The following CEMIP2 variants were observed in gnomAD, a reference collection of about 807,000 sequenced individuals.
CEMIP2 encodes the protein cell surface hyaluronidase CEMIP2.
CEMIP2 carries 79 observed loss-of-function variants against 146.9 expected under a neutral mutation model. The observed-to-expected ratio is 0.54, with a 90% CI of 0.45 to 0.65. The LOEUF (loss-of-function observed/expected upper bound fraction) is 0.65, where lower values mean the gene tolerates loss of function less well. Ranked by LOEUF, CEMIP2 falls within the 30% of genes least tolerant of loss-of-function variation. CEMIP2 has a pLI of 0.00. For missense variants in CEMIP2, 1,596 were observed against 1,696.2 expected (o/e 0.94, Z 1.04); for synonymous variants, 601 against 606.3 (o/e 0.99, Z 0.13).
At chr9:71,691,272 A>G (rs1411814990) in intron 21 of CEMIP2, among the ~76,000 whole-genome samples, 2 of 151,206 alleles carry the variant, frequency 1.3e-5, no homozygotes, top group Non-Finnish European at 2.9e-5. Flanking sequence ...ACTTAGAGAT[A>G]CACCGGGCGT....
intron 14 of CEMIP2, among the ~76,000 whole-genome samples, chr9:71,715,638 AT>A (rs1225264639): frequency 1.4e-5 from 2 of 143,796 alleles, no homozygotes; most frequent in Non-Finnish European, 3.1e-5. Context: ...ATATATATAT[AT>A]ATATATATAC....
chr9:71,730,460 T>C lies in CEMIP2; in HGVS notation c.1774-207A>G, dbSNP rs149544232. Among the ~76,000 whole-genome samples the C allele has an allele frequency of 7.8e-4, 118 of 152,012 alleles. 1 individual carries two copies. Among genetic ancestry groups the C allele is most frequent in the Non-Finnish European group, 1.2e-3 (79 of 67,980 alleles). ...CACAGGGGAAAAAAATAAAAATAAG[T>C]TGTAAATAAATAAATAAAAATAAAA... On this transcript the variant is annotated intron_variant, in intron 8 of 23. Coordinates refer to ENST00000377044, the MANE Select transcript of CEMIP2 (RefSeq NM_013390.3).
chr9:71,741,628 CTGGTTTTTTTTTTTT>C (rs1564020255), intron 4 of CEMIP2, among the ~76,000 whole-genome samples: 6 of 110,016 alleles, frequency 5.5e-5, no homozygotes, highest in Non-Finnish European at 1.2e-4. Flanking sequence ...TTTTTCTTTT[CTGGTTTTTTTTTTTT>C]TTTTTTTTTT....
At position 71,750,403 on chromosome 9, in the gene CEMIP2, A is replaced by T. The variant is rs1334706982; in HGVS notation, c.-12-18T>A. 3 of 1,515,050 alleles carry T rather than the reference A, an allele frequency of 2.0e-6. No homozygotes were observed. Among genetic ancestry groups the T allele is most frequent in the Non-Finnish European group, 1.8e-6 (2 of 1,126,958 alleles). 93.9% of individuals were successfully genotyped at this position (1,515,050 alleles called of 1,614,324 possible). A position where few individuals can be genotyped will look rare whatever the true frequency, so the allele number is the denominator to read the frequency against. On this transcript the variant is annotated intron_variant, in intron 1 of 23. Transcript: ENST00000377044. ...CACTGTTACTGTGAAAAGAAAAAAA[A>T]ATTAAGCTTCAGTATGTGTAAATTC...
rs34322815 is a variant in CEMIP2, at chr9:71,715,237, C to CTT, written c.2436-150_2436-149dup. 1,149 of 232,334 alleles carry CTT rather than the reference C, an allele frequency of 4.9e-3. 4 individuals carry two copies. Among genetic ancestry groups the CTT allele is most frequent in the South Asian group, 0.01 (271 of 26,018 alleles). The allele number at this position is 232,334 out of a possible 1,614,324, so 14.4% of individuals were successfully genotyped here. ...CACATTCACAAGTCTTCAGAAACTG[C>CTT]TTTTTTTTTTTTTTTTTTTTTTTGA... is the stretch of plus-strand genomic sequence containing the variant. On this transcript the variant is annotated intron_variant, in intron 14 of 23. Transcript: ENST00000377044.
At chr9:71,689,998 GA>G in intron 22 of CEMIP2, 93 bp downstream of exon 22, 1 of 1,470,898 alleles carries the variant, frequency 6.8e-7, no homozygotes, top group African/African-American at 1.4e-5. Context: ...AATGTCCAGA[GA>G]GTAAAAAATC....
Position 71,740,216 on chromosome 9 carries a change from C to T in CEMIP2, c.1051G>A (p.Val351Ile), listed in dbSNP as rs1300149727. The T allele has an allele frequency of 7.4e-6, 12 of 1,613,518 alleles. No homozygotes were observed. The highest frequency in any genetic ancestry group is 1.3e-5 in the African/African-American group (1 of 74,930). Residue 351 changes from valine to isoleucine, a missense_variant, in exon 5 of 24, where the codon GTT becomes ATT. Val to Ile is a conservative substitution (Grantham distance 29). Transcript: ENST00000377044. ...GLGYRQAWALVGVIDGGSTSC... is the reference protein window; with the variant it reads ...GLGYRQAWALIGVIDGGSTSC... ...GTGCTTCCACCATCAATGACACCAA[C>T]TAAAGCCCAAGCTTGCCTAGAAGGA... is the stretch of plus-strand genomic sequence containing the variant.
At chr9:71,719,131 G>A (rs1159847118) in intron 12 of CEMIP2, among the ~76,000 whole-genome samples, 6 of 151,394 alleles carry the variant, frequency 4.0e-5, no homozygotes, top group Admixed American at 6.6e-5. Context: ...CTTACAAAAC[G>A]AACGGAAGAA....
intron 17 of CEMIP2, chr9:71,705,046 T>A (rs1822694698): frequency 2.1e-6 from 1 of 473,190 alleles, no homozygotes; most frequent in Non-Finnish European, 3.8e-6. Context: ...CTTCCACCAC[T>A]ACAGGCCAGC....
intron 2 of CEMIP2, 109 bp from the exon 3 acceptor site, chr9:71,746,450 A>G (rs1824091674): frequency 7.5e-7 from 1 of 1,330,616 alleles, no homozygotes; most frequent in African/African-American, 1.5e-5. Context: ...GTGCTAACAT[A>G]TGTTGATTTC....
intron 22 of CEMIP2, among the ~76,000 whole-genome samples, chr9:71,688,139 G>T (rs1003863123): frequency 6.6e-6 from 1 of 152,168 alleles, no homozygotes; most frequent in South Asian, 2.1e-4. Context: ...TTATAGGCAT[G>T]AGCCACTGTG....
At chr9:71,708,769 T>C (rs913079539) in intron 17 of CEMIP2, among the ~76,000 whole-genome samples, 8 of 152,218 alleles carry the variant, frequency 5.3e-5, no homozygotes, top group Non-Finnish European at 7.3e-5. Flanking sequence ...TCCTTTCTTG[T>C]CCACTCACTC....
intron 14 of CEMIP2, 98 bp from the exon 15 acceptor site, chr9:71,715,187 AAAG>A: frequency 1.5e-6 from 2 of 1,365,776 alleles, no homozygotes; most frequent in South Asian, 2.9e-5. Context: ...AAAAGTTTTA[AAAG>A]AAGTCAATAG....
intron 7 of CEMIP2, among the ~76,000 whole-genome samples, chr9:71,731,728 T>A (rs1331167502): frequency 1.3e-5 from 1 of 75,436 alleles, no homozygotes; most frequent in Admixed American, 1.3e-4. Flanking sequence ...TGAGACTGTA[T>A]CTCAAAAAAA....
intron 1 of CEMIP2, among the ~76,000 whole-genome samples, chr9:71,751,128 G>T (rs1552708): frequency 0.87 from 132,627 of 152,204 alleles, 57,947 homozygotes; most frequent in Non-Finnish European, 0.9. Flanking sequence ...TTTTAACTAT[G>T]TTAAGCGTAC....
chr9:71,758,934 C>G (rs1049860267), intron 1 of CEMIP2, among the ~76,000 whole-genome samples: 1 of 152,182 alleles, frequency 6.6e-6, no homozygotes, highest in African/African-American at 2.4e-5. Context: ...TTTCCTTCAA[C>G]TCTCAAAAAT....
In CEMIP2 at chr9:71,750,084, A is replaced by G; in HGVS notation, c.290T>C (p.Leu97Pro). 6.2e-7 allele frequency: 1 copy of G among 1,612,744 alleles called. No individual in the cohort carries two copies. The highest frequency in any genetic ancestry group is 8.5e-7 in the Non-Finnish European group (1 of 1,179,318). ...AITSFSFFIA[L>P]AIILGISSKY... The stretch of plus-strand genomic sequence containing the variant: ...TGAGGATATTCCTAAAATGATTGCA[A>G]GTGCAATAAAAAATGAGAAACTAGT... Residue 97 changes from leucine (L) to proline (P), a missense_variant, in exon 2 of 24, where the codon CTT becomes CCT. Physicochemically the swap from Leu to Pro is moderately conservative, Grantham distance 98. Transcript: ENST00000377044.
intron 5 of CEMIP2, among the ~76,000 whole-genome samples, chr9:71,738,484 C>G (rs1823822799): frequency 6.6e-6 from 1 of 151,592 alleles, no homozygotes; most frequent in Admixed American, 6.6e-5. Flanking sequence ...CACTGCACTC[C>G]AGCCTGGGCG....
At chr9:71,685,663 G>T in intron 23 of CEMIP2, 80 bp downstream of exon 23, 1 of 1,181,296 alleles carries the variant, frequency 8.5e-7, no homozygotes, top group Non-Finnish European at 1.2e-6. Flanking sequence ...CATGAAAATG[G>T]TCTGGTAGCT....
Sources: gnomAD v4.1 joint callset for allele counts (sites outside exome capture counted in the v4.1 genomes callset) on GRCh38, gnomAD v4.1.1 for gene constraint, MANE v1.5 for transcripts, NCBI Gene and HGNC (gene_info 2026-07-23, HGNC 2026-07-21) for gene names.